EPHA3: variants seen among roughly 807,000 people sequenced by gnomAD.
EPHA3 encodes the protein ephrin type-A receptor 3.
Under a neutral mutation model 107.1 loss-of-function variants are expected in EPHA3, and 42 were observed. The observed-to-expected ratio is 0.39, with a 90% CI of 0.31 to 0.51. The LOEUF is 0.51. Ranked by LOEUF, EPHA3 falls within the 20% of genes least tolerant of loss-of-function variation. EPHA3 has a pLI of 0.78. For missense variants in EPHA3, 1,183 were observed against 1,211.2 expected (o/e 0.98, Z 0.35); for synonymous variants, 461 against 424.8 (o/e 1.09, Z -1.05).
chr3:89,352,249 G>C (rs73846144), intron 5 of EPHA3, among the ~76,000 whole-genome samples: 8,436 of 151,186 alleles, frequency 0.056, 829 homozygotes, highest in African/African-American at 0.19. Flanking sequence ...TTAGATAAAC[G>C]CCTTCCTTTC....
intron 2 of EPHA3, among the ~76,000 whole-genome samples, chr3:89,138,377 G>A (rs1286670647): frequency 1.3e-5 from 2 of 151,558 alleles, no homozygotes; most frequent in Admixed American, 6.6e-5. Context: ...TATATATCTG[G>A]AATCCATTGC....
At chr3:89,255,846 A>G (rs989106532) in intron 3 of EPHA3, among the ~76,000 whole-genome samples, 13 of 152,234 alleles carry the variant, frequency 8.5e-5, no homozygotes, top group African/African-American at 3.1e-4. Flanking sequence ...GGATGCAGTG[A>G]GCCAAGATCG....
At chr3:89,460,916 G>T (rs867129780) in intron 15 of EPHA3, among the ~76,000 whole-genome samples, 1 of 123,164 alleles carries the variant, frequency 8.1e-6, no homozygotes, top group African/African-American at 3.2e-5. Context: ...ATGCTGGTGC[G>T]CTGCACCCAC....
intron 3 of EPHA3, among the ~76,000 whole-genome samples, 161 bp downstream of exon 3, chr3:89,210,681 T>G (rs1042298831): frequency 5.3e-5 from 8 of 152,144 alleles, no homozygotes; most frequent in African/African-American, 1.4e-4. Context: ...CCATTTGATG[T>G]GGTAATTCAT....
intron 13 of EPHA3, among the ~76,000 whole-genome samples, chr3:89,444,991 C>T (rs139291201): frequency 7.9e-5 from 12 of 152,268 alleles, no homozygotes; most frequent in East Asian, 1.9e-4. Context: ...TGGCCAGGTG[C>T]GATGGCTCAC....
intron 3 of EPHA3, among the ~76,000 whole-genome samples, chr3:89,273,734 C>T (rs922658996): frequency 6.6e-6 from 1 of 151,596 alleles, no homozygotes; most frequent in Non-Finnish European, 1.5e-5. Flanking sequence ...ATGTATGTTT[C>T]TGTTTTAAGG....
intron 3 of EPHA3, among the ~76,000 whole-genome samples, chr3:89,224,742 G>A (rs1472396339): frequency 6.6e-6 from 1 of 151,830 alleles, no homozygotes; most frequent in Non-Finnish European, 1.5e-5. Flanking sequence ...CCAGCTACTC[G>A]GGAGGCTGAG....
intron 2 of EPHA3, among the ~76,000 whole-genome samples, chr3:89,178,206 A>G (rs1202550218): frequency 6.6e-6 from 1 of 151,952 alleles, no homozygotes; most frequent in Non-Finnish European, 1.5e-5. Flanking sequence ...CTAGGAATAA[A>G]TGACATTTTA....
At chr3:89,129,187 G>A (rs989221774) in intron 2 of EPHA3, among the ~76,000 whole-genome samples, 2 of 152,010 alleles carry the variant, frequency 1.3e-5, no homozygotes, top group African/African-American at 4.8e-5. Context: ...CTGTCTCTTT[G>A]TTCCCCAGAA....
At chr3:89,357,382 C>A (rs2107452645) in intron 5 of EPHA3, among the ~76,000 whole-genome samples, 1 of 150,978 alleles carries the variant, frequency 6.6e-6, no homozygotes, top group African/African-American at 2.4e-5. Flanking sequence ...TTAATAGATT[C>A]ACTGTAATTC....
At chr3:89,127,445 C>T (rs184234657) in intron 2 of EPHA3, among the ~76,000 whole-genome samples, 172 bp downstream of exon 2, 239 of 151,992 alleles carry the variant, frequency 1.6e-3, no homozygotes, top group African/African-American at 5.5e-3. Flanking sequence ...TCCAATGGAG[C>T]TAGTGAGAAT....
chr3:89,468,611 C>T (rs1179495287), intron 15 of EPHA3, among the ~76,000 whole-genome samples: 11 of 152,116 alleles, frequency 7.2e-5, no homozygotes. Context: ...GAAACTGTGG[C>T]GTGTGCGCGC....
chr3:89,418,207 A>G (rs11921985), intron 10 of EPHA3, among the ~76,000 whole-genome samples: 69,096 of 151,206 alleles, frequency 0.46, 17,032 homozygotes, highest in African/African-American at 0.63. Context: ...AAATATTTCA[A>G]GAAAAGCTCA....
intron 3 of EPHA3, among the ~76,000 whole-genome samples, chr3:89,217,224 T>C (rs941628692): frequency 6.6e-6 from 1 of 152,164 alleles, no homozygotes; most frequent in African/African-American, 2.4e-5. Flanking sequence ...TAATATTTGA[T>C]GAAAGTGCTC....
At chr3:89,445,270 A>G (rs1166860839) in intron 13 of EPHA3, among the ~76,000 whole-genome samples, 1 of 152,158 alleles carries the variant, frequency 6.6e-6, no homozygotes, top group Non-Finnish European at 1.5e-5. Flanking sequence ...CTTCAACACT[A>G]AAATTGGGCA....
At chr3:89,423,666 C>T (rs941201970) in intron 11 of EPHA3, among the ~76,000 whole-genome samples, 8 of 151,122 alleles carry the variant, frequency 5.3e-5, no homozygotes, top group Admixed American at 1.3e-4. Flanking sequence ...AATCACTGCT[C>T]GATATATTAG....
intron 2 of EPHA3, among the ~76,000 whole-genome samples, chr3:89,204,576 A>G (rs1320929130): frequency 1.3e-5 from 2 of 149,404 alleles, no homozygotes; most frequent in African/African-American, 4.9e-5. Flanking sequence ...TCTTTTTATA[A>G]TATACCTTTA....
At position 89,210,508 on chromosome 3, in the gene EPHA3, T is replaced by G. The variant is rs754184476; in HGVS notation, c.802T>G (p.Phe268Val). 1.3e-6 allele frequency: 2 copies of G among 1,549,580 alleles called. No individual in the cohort carries two copies. The highest frequency in any genetic ancestry group is 1.7e-6 in the Non-Finnish European group (2 of 1,152,648). The change falls in exon 3 of 17, where the codon TTT (phenylalanine) becomes GTT (valine). Residue 268 changes from phenylalanine (F) to valine (V), a missense_variant. Transcript: ENST00000336596. ...CAATGCTGGCTATGAAGAAAGAGGT[T>G]TTATGTGCCAAGGTAAGAGCCTTCT... ...SCNAGYEERG[F>V]MCQACRPGFY...
chr3:89,114,330 C>T (rs1015253365), intron 1 of EPHA3, among the ~76,000 whole-genome samples: 4 of 152,184 alleles, frequency 2.6e-5, no homozygotes, highest in Non-Finnish European at 5.9e-5. Context: ...GTGTTCCTTG[C>T]TGCCACCACA....
Sources: allele counts gnomAD v4.1 joint callset (sites outside exome capture counted in the v4.1 genomes callset), GRCh38; gene constraint gnomAD v4.1.1; transcripts MANE v1.5; gene names NCBI Gene and HGNC (gene_info 2026-07-23, HGNC 2026-07-21).